Variants in PDE1A observed in about 807,000 individuals in gnomAD.
PDE1A encodes the protein dual specificity calcium/calmodulin-dependent 3',5'-cyclic nucleotide phosphodiesterase 1A.
PDE1A carries 35 observed loss-of-function variants against 61.7 expected under a neutral mutation model. The observed-to-expected ratio is 0.57, with a 90% CI of 0.43 to 0.75. PDE1A has a LOEUF of 0.75. Among genes scored for constraint, PDE1A ranks in the 30% least tolerant of loss-of-function variants. The pLI, the probability that PDE1A is intolerant of heterozygous loss-of-function variation, is 0.00. For missense variants in PDE1A, 597 were observed against 630.6 expected (o/e 0.95, Z 0.57); for synonymous variants, 232 against 213.2 (o/e 1.09, Z -0.77).
chr2:182,532,899 TCACGC>T, the PDE1A span, among the ~76,000 whole-genome samples: 1 of 112,984 alleles, frequency 8.9e-6, no homozygotes, highest in Admixed American at 1.4e-4. Flanking sequence ...TGAGTCAAGA[TCACGC>T]CACTGCACTC....
the PDE1A span, among the ~76,000 whole-genome samples, chr2:182,674,802 GTTTT>G: frequency 6.6e-6 from 1 of 151,818 alleles, no homozygotes; most frequent in African/African-American, 2.4e-5. Context: ...TTTTTGTTTT[GTTTT>G]TTGTTTCAAT....
chr2:182,619,408 A>C, the PDE1A span, among the ~76,000 whole-genome samples: 2 of 152,150 alleles, frequency 1.3e-5, no homozygotes. Context: ...CCATACAAGC[A>C]GAGGGCTGTG....
At chr2:182,526,647 A>C (rs1690777712), upstream of PDE1A, among the ~76,000 whole-genome samples, 1 of 152,226 alleles carries the variant, frequency 6.6e-6, no homozygotes, top group Non-Finnish European at 1.5e-5. Flanking sequence ...TTAAACTTAA[A>C]CTACCAGCTT....
chr2:182,332,653 G>A (rs993751457), intron 1 of PDE1A, among the ~76,000 whole-genome samples: 4 of 152,108 alleles, frequency 2.6e-5, no homozygotes, highest in African/African-American at 9.7e-5. Context: ...GACCCTGTTT[G>A]CCTGAGTATC....
intron 1 of PDE1A, among the ~76,000 whole-genome samples, chr2:182,364,490 A>AAAAAAAAAAAAAAAAAAAAAAAC (rs1559379251): frequency 1.4e-5 from 2 of 144,000 alleles, no homozygotes; most frequent in East Asian, 2.3e-4. Flanking sequence ...AAAAAAAAAA[A>AAAAAAAAAAAAAAAAAAAAAAAC]AAAAAAAAAC....
the PDE1A span, among the ~76,000 whole-genome samples, chr2:182,662,637 T>C: frequency 6.6e-6 from 1 of 152,182 alleles, no homozygotes; most frequent in Non-Finnish European, 1.5e-5. Flanking sequence ...GCCAGCTATA[T>C]GCAGGAGATT....
chr2:182,233,346 C>T (rs1186924780), intron 4 of PDE1A, among the ~76,000 whole-genome samples: 2 of 152,086 alleles, frequency 1.3e-5, no homozygotes, highest in Non-Finnish European at 2.9e-5. Flanking sequence ...ATCAGCAGTG[C>T]ACAACCCTCA....
intron 1 of PDE1A, among the ~76,000 whole-genome samples, chr2:182,371,984 T>C (rs913448030): frequency 1.3e-5 from 2 of 152,136 alleles, no homozygotes; most frequent in African/African-American, 4.8e-5. Context: ...TTAGTAGAGA[T>C]GAAGTCTTGC....
At chr2:182,539,269 T>C in the PDE1A span, among the ~76,000 whole-genome samples, 1 of 152,196 alleles carries the variant, frequency 6.6e-6, no homozygotes, top group Admixed American at 6.5e-5. Flanking sequence ...ATTCATATCA[T>C]AAAAGATTAT....
chr2:182,359,451 G>T (rs907203985), intron 1 of PDE1A, among the ~76,000 whole-genome samples: 2 of 152,106 alleles, frequency 1.3e-5, no homozygotes, highest in African/African-American at 4.8e-5. Flanking sequence ...CAAGCTCTTA[G>T]CTGACACATC....
At chr2:182,585,286 A>G in the PDE1A span, among the ~76,000 whole-genome samples, 5 of 152,348 alleles carry the variant, frequency 3.3e-5, no homozygotes, top group East Asian at 9.6e-4. Context: ...ATCTCATTCA[A>G]AAACTAATGG....
chr2:182,555,821 G>A, the PDE1A span, among the ~76,000 whole-genome samples: 2 of 151,870 alleles, frequency 1.3e-5, no homozygotes, highest in Non-Finnish European at 2.9e-5. Flanking sequence ...ACAAAAATTA[G>A]CCAGATATGG....
chr2:182,602,654 A>G, the PDE1A span, among the ~76,000 whole-genome samples: 3 of 152,200 alleles, frequency 2.0e-5, no homozygotes, highest in Non-Finnish European at 2.9e-5. Context: ...TCCAATAAAA[A>G]TTTTCTAGAC....
chr2:182,635,674 A>ATCTC, the PDE1A span, among the ~76,000 whole-genome samples: 42 of 141,994 alleles, frequency 3.0e-4, no homozygotes, highest in East Asian at 1.8e-3. Context: ...AAGAGTATCT[A>ATCTC]TCTCTCTCTC....
intron 2 of PDE1A, among the ~76,000 whole-genome samples, chr2:182,466,433 A>G (rs1051286010): frequency 1.3e-5 from 2 of 152,030 alleles, no homozygotes; most frequent in African/African-American, 4.8e-5. Context: ...TCTGGGCTTT[A>G]GTTCTCCTAG....
At chr2:182,648,511 C>CAAAA in the PDE1A span, among the ~76,000 whole-genome samples, 2 of 76,208 alleles carry the variant, frequency 2.6e-5, no homozygotes, top group East Asian at 3.5e-4. Context: ...CCTGTCCCCA[C>CAAAA]AAAAAAAAAA....
chr2:182,589,577 T>A, the PDE1A span, among the ~76,000 whole-genome samples: 1 of 152,270 alleles, frequency 6.6e-6, no homozygotes, highest in African/African-American at 2.4e-5. Context: ...CCAAGCCTCA[T>A]CCAGGAAAGA....
chr2:182,364,069 GGT>G (rs1699670438), intron 1 of PDE1A, among the ~76,000 whole-genome samples: 1 of 151,856 alleles, frequency 6.6e-6, no homozygotes, highest in Non-Finnish European at 1.5e-5. Context: ...CTATTTAGCA[GGT>G]CACATGAAAG....
chr2:182,198,854 T>C (rs1686364789), intron 10 of PDE1A, among the ~76,000 whole-genome samples: 1 of 151,966 alleles, frequency 6.6e-6, no homozygotes, highest in African/African-American at 2.4e-5. Context: ...CTCTATGTCA[T>C]AAAAGAATTT....
Sources: allele counts gnomAD v4.1 joint callset (sites outside exome capture counted in the v4.1 genomes callset), GRCh38; gene constraint gnomAD v4.1.1; transcripts MANE v1.5; gene names NCBI Gene and HGNC (gene_info 2026-07-23, HGNC 2026-07-21).